Variants in MTA3 observed in about 807,000 individuals in gnomAD.
The protein encoded by MTA3 is metastasis associated 1 family member 3, also known as metastasis-associated protein MTA3.
Under a neutral mutation model 83.5 loss-of-function variants are expected in MTA3, and 34 were observed. That is an observed-to-expected ratio of 0.41 (90% CI 0.31 to 0.54). MTA3 has a LOEUF of 0.54. MTA3 is among the 20% of genes least tolerant of loss of function. The pLI is 0.33. For synonymous variants in MTA3, 303 were observed against 252.7 expected (o/e 1.20, Z -1.89); for missense variants, 761 against 726.4 (o/e 1.05, Z -0.55).
At chr2:42,586,677 C>T (rs534240464) in intron 3 of MTA3, among the ~76,000 whole-genome samples, 6 of 151,666 alleles carry the variant, frequency 4.0e-5, no homozygotes, top group African/African-American at 4.8e-5. Context: ...GGGCCCGAGA[C>T]GGGTAGATCA....
chr2:42,708,871 C>A lies in MTA3; in HGVS notation c.1303-3C>A. On this transcript the variant is annotated splice_polypyrimidine_tract_variant and splice_region_variant and intron_variant, in intron 13 of 16. Coordinates refer to ENST00000405094, the MANE Select transcript of MTA3 (RefSeq NM_001330442.2). ...GAGTGTTTGTTGTTTTCTGATTTTG[C>A]AGGACCCTCGTGTTAGAAGTCACGT... 6.2e-7 allele frequency: 1 copy of A among 1,613,606 alleles called. No individual in the cohort carries two copies.
intron 2 of MTA3, among the ~76,000 whole-genome samples, chr2:42,545,159 C>G (rs13403551): frequency 0.41 from 62,312 of 151,856 alleles, 13,025 homozygotes; most frequent in Admixed American, 0.52. Context: ...AGGAGGATCA[C>G]TTGAGCCCAG....
intron 3 of MTA3, among the ~76,000 whole-genome samples, chr2:42,579,911 GT>G (rs1403035917): frequency 6.6e-6 from 1 of 151,990 alleles, no homozygotes; most frequent in African/African-American, 2.4e-5. Context: ...TTCGGAGGAT[GT>G]TTTCTCCCTG....
At chr2:42,560,561 A>C (rs1209675837) in intron 2 of MTA3, among the ~76,000 whole-genome samples, 4 of 151,120 alleles carry the variant, frequency 2.6e-5, no homozygotes, top group South Asian at 4.2e-4. Flanking sequence ...TAAAAAAAAA[A>C]ACAAAAAACA....
At chr2:42,711,398 C>T (rs757694169) in intron 14 of MTA3, among the ~76,000 whole-genome samples, 14 of 152,114 alleles carry the variant, frequency 9.2e-5, no homozygotes, top group Non-Finnish European at 1.8e-4. Flanking sequence ...TATTTTATTT[C>T]TATAAGCATA....
intron 3 of MTA3, among the ~76,000 whole-genome samples, chr2:42,585,476 CT>C (rs35808147): frequency 0.33 from 38,588 of 118,602 alleles, 4,558 homozygotes; most frequent in Middle Eastern, 0.43. Flanking sequence ...TCTTTCTTTT[CT>C]TTTTTTTTTT....
chr2:42,605,676 A>C (rs1207252963), intron 3 of MTA3, among the ~76,000 whole-genome samples: 17 of 91,658 alleles, frequency 1.9e-4, no homozygotes, highest in East Asian at 4.0e-4. Context: ...TGACCCCCCC[A>C]CCTCCCTCCC....
At chr2:42,682,715 A>T in intron 9 of MTA3, 126 bp downstream of exon 9, 1 of 837,394 alleles carries the variant, frequency 1.2e-6, no homozygotes. Flanking sequence ...GCTCAAAGTA[A>T]AATGAAGGTT....
intron 2 of MTA3, among the ~76,000 whole-genome samples, chr2:42,506,867 A>G (rs1482290832): frequency 6.6e-6 from 1 of 151,950 alleles, no homozygotes; most frequent in Admixed American, 6.6e-5. Context: ...TTGGCCTCCC[A>G]AAGTGCTGGG....
At chr2:42,679,990 GA>G (rs1329293859) in intron 8 of MTA3, 1 of 152,124 alleles carries the variant, frequency 6.6e-6, no homozygotes, top group Non-Finnish European at 1.5e-5. Context: ...ATCTAGAAAA[GA>G]TTATATAATA....
At chr2:42,553,517 C>T (rs1410213537) in intron 2 of MTA3, among the ~76,000 whole-genome samples, 1 of 151,066 alleles carries the variant, frequency 6.6e-6, no homozygotes, top group Non-Finnish European at 1.5e-5. Context: ...GGGCATATCA[C>T]CTGAGGTCAG....
chr2:42,565,111 A>G (rs1677852642), upstream of MTA3, among the ~76,000 whole-genome samples: 1 of 151,972 alleles, frequency 6.6e-6, no homozygotes, highest in Non-Finnish European at 1.5e-5. Context: ...TTTCGCACAT[A>G]TAAAAACTCC....
intron 4 of MTA3, among the ~76,000 whole-genome samples, chr2:42,639,579 G>A (rs777547860): frequency 2.8e-4 from 42 of 152,170 alleles, no homozygotes; most frequent in Non-Finnish European, 5.7e-4. Context: ...CTCAAGGTCC[G>A]TGGATCTGTC....
At chr2:42,508,797 A>G (rs1674760945) in intron 2 of MTA3, among the ~76,000 whole-genome samples, 1 of 147,000 alleles carries the variant, frequency 6.8e-6, no homozygotes, top group Non-Finnish European at 1.5e-5. Context: ...CATAGATTAA[A>G]TATATTGTAA....
Position 42,704,256 on chromosome 2 carries a change from C to T in MTA3, c.1088C>T (p.Ala363Val), listed in dbSNP as rs1241938187. Reference protein sequence around the residue: ...SNGKPGAVNGAVGTTFQPQNP... With the variant: ...SNGKPGAVNGVVGTTFQPQNP... Reference sequence around the variant, plus strand: ...GGGAAGCCTGGTGCTGTGAATGGAGCTGTGGGGACCACGTTCCAGCCTCAG... The same window carrying T: ...GGGAAGCCTGGTGCTGTGAATGGAGTTGTGGGGACCACGTTCCAGCCTCAG... Residue 363 changes from alanine (A) to valine (V), a missense_variant, in exon 12 of 17, where the codon GCT becomes GTT. Transcript: ENST00000405094. The T allele has an allele frequency of 6.2e-7, 1 of 1,613,972 alleles. No individual in the cohort carries two copies. The highest frequency in any genetic ancestry group is 2.2e-5 in the East Asian group (1 of 44,882).
intron 8 of MTA3, among the ~76,000 whole-genome samples, chr2:42,679,267 C>A (rs771782097): frequency 1.6e-4 from 24 of 152,224 alleles, no homozygotes; most frequent in Non-Finnish European, 2.6e-4. Context: ...TGGCTCACTC[C>A]CCTTCTCATC....
chr2:42,661,793 A>G (rs1689742892), intron 8 of MTA3, among the ~76,000 whole-genome samples: 2 of 152,168 alleles, frequency 1.3e-5, no homozygotes, highest in African/African-American at 4.8e-5. Flanking sequence ...AGGATAATGT[A>G]ATAAAACTCC....
intron 13 of MTA3, among the ~76,000 whole-genome samples, chr2:42,708,532 G>A (rs1666305516): frequency 6.6e-6 from 1 of 152,100 alleles, no homozygotes; most frequent in African/African-American, 2.4e-5. Flanking sequence ...GTGTTTACCA[G>A]TGGGCGACTA....
intron 16 of MTA3, among the ~76,000 whole-genome samples, chr2:42,738,308 T>C (rs1668755199): frequency 2.0e-5 from 3 of 152,034 alleles, no homozygotes; most frequent in Admixed American, 6.6e-5. Flanking sequence ...CAGAAGAACG[T>C]GGATTGTGAA....
Sources: gnomAD v4.1 joint callset for allele counts (sites outside exome capture counted in the v4.1 genomes callset) on GRCh38, gnomAD v4.1.1 for gene constraint, MANE v1.5 for transcripts, NCBI Gene and HGNC (gene_info 2026-07-23, HGNC 2026-07-21) for gene names.